GGH: variants seen among roughly 807,000 people sequenced by gnomAD.
The protein encoded by GGH is gamma-Glu-X carboxypeptidase.
In GGH, 18 loss-of-function variants were observed where a neutral mutation model predicts 39.2. The observed-to-expected ratio is 0.46, with a 90% CI of 0.32 to 0.68. The LOEUF is 0.68. GGH is among the 30% of genes least tolerant of loss of function. The pLI is 0.04. For missense variants in GGH, 367 were observed against 384.1 expected (o/e 0.96, Z 0.37); for synonymous variants, 147 against 138.8 (o/e 1.06, Z -0.42).
chr8:63,027,095 G>C, intron 4 of GGH, 86 bp downstream of exon 4: 1 of 770,414 alleles, frequency 1.3e-6, no homozygotes. Context: ...TTTGAAGGGA[G>C]CATTACCATC....
chr8:63,038,338 C>A (rs977428167), intron 1 of GGH, among the ~76,000 whole-genome samples: 1 of 152,220 alleles, frequency 6.6e-6, no homozygotes, highest in African/African-American at 2.4e-5. Context: ...CAACTATGTG[C>A]GAAAAGGAAA....
chr8:63,032,237 T>C (rs988593790), intron 2 of GGH, among the ~76,000 whole-genome samples: 5 of 152,084 alleles, frequency 3.3e-5, no homozygotes, highest in African/African-American at 9.7e-5. Context: ...GGTTTTTCCA[T>C]GTTGCCCAAG....
intron 8 of GGH, chr8:63,017,195 CA>C (rs1172096715): frequency 3.8e-6 from 1 of 261,012 alleles, no homozygotes; most frequent in Non-Finnish European, 7.2e-6. Context: ...TGTCAAAAAA[CA>C]AATAACAAAG....
intron 7 of GGH, among the ~76,000 whole-genome samples, chr8:63,023,168 A>C (rs1349328113): frequency 6.6e-6 from 1 of 152,220 alleles, no homozygotes; most frequent in African/African-American, 2.4e-5. Context: ...TACCAGTCTA[A>C]GGCAACCTTG....
chr8:63,028,003 AG>A (rs1176152860), intron 3 of GGH: 2 of 152,200 alleles, frequency 1.3e-5, no homozygotes, highest in Non-Finnish European at 2.9e-5. Context: ...GATATTCAAA[AG>A]AGGTAAGAAA....
chr8:63,030,001 G>C (rs1804773594), intron 3 of GGH, 166 bp downstream of exon 3: 1 of 432,240 alleles, frequency 2.3e-6, no homozygotes, highest in Admixed American at 3.8e-5. Context: ...AAGGACTTTT[G>C]CATCTCCCAA....
chr8:63,032,171 C>T (rs1804818236), intron 2 of GGH, among the ~76,000 whole-genome samples: 1 of 151,822 alleles, frequency 6.6e-6, no homozygotes, highest in Non-Finnish European at 1.5e-5. Context: ...GTAGCTGGGC[C>T]CATAGGTGCA....
At chr8:63,019,670 G>T (rs559084231) in intron 7 of GGH, among the ~76,000 whole-genome samples, 1 of 152,318 alleles carries the variant, frequency 6.6e-6, no homozygotes, top group African/African-American at 2.4e-5. Flanking sequence ...AGTAACGTTT[G>T]CTTTTTATGT....
At position 63,027,135 on chromosome 8, in the gene GGH, A is replaced by T. The variant is rs762971905; in HGVS notation, c.360+46T>A. On this transcript the variant is annotated intron_variant, in intron 4 of 8. Transcript: ENST00000260118. ...TAAAAAATGAACCACTCGCACAAAA[A>T]CTTACAGAAACCCATCTGGAATAAT... The T allele has an allele frequency of 4.5e-5, 41 of 907,214 alleles. No individual in the cohort carries two copies. The Admixed American group carries it at 6.8e-4, about 15-fold the overall frequency. The allele number at this position is 907,214 out of a possible 1,614,324, so 56.2% of individuals were successfully genotyped here.
At chr8:63,028,297 T>C (rs1036925105) in intron 3 of GGH, 24 of 152,198 alleles carry the variant, frequency 1.6e-4, no homozygotes, top group Middle Eastern at 3.4e-3. Flanking sequence ...TAGCATTCTC[T>C]CTTTCCATTA....
chr8:63,036,871 T>G (rs1804919389), intron 1 of GGH, among the ~76,000 whole-genome samples: 2 of 152,220 alleles, frequency 1.3e-5, no homozygotes, highest in African/African-American at 4.8e-5. Context: ...GTCACCACTT[T>G]GTTTAACTAC....
chr8:63,030,181 G>C lies in GGH; in HGVS notation c.261C>G (p.Phe87Leu), dbSNP rs538903371. Residue 87 changes from phenylalanine (F) to leucine (L), a missense_variant, in exon 3 of 9, where the codon TTC becomes TTG. Coordinates refer to ENST00000260118, the MANE Select transcript of GGH (RefSeq NM_003878.3). ...DLTEKDYEILFKSINGILFPG... is the reference protein window; with the variant it reads ...DLTEKDYEILLKSINGILFPG... ...TGCCAACTTACCCATTAATAGATTT[G>C]AAAAGTATTTCATAGTCTTTCTCTG... is the stretch of plus-strand genomic sequence containing the variant. 7.0e-7 allele frequency: 1 copy of C among 1,427,780 alleles called. No individual in the cohort carries two copies. The highest frequency in any genetic ancestry group is 1.4e-5 in the African/African-American group (1 of 71,616). 88.4% of individuals were successfully genotyped at this position (1,427,780 alleles called of 1,614,324 possible).
chr8:63,026,048 A>T, intron 5 of GGH, 110 bp downstream of exon 5: 1 of 857,178 alleles, frequency 1.2e-6, no homozygotes, highest in Non-Finnish European at 1.8e-6. Flanking sequence ...TTTTTCCTTC[A>T]GGGAAAAGGC....
intron 5 of GGH, chr8:63,024,598 CAA>C (rs1804651028): frequency 6.4e-6 from 1 of 157,314 alleles, no homozygotes; most frequent in African/African-American, 2.4e-5. Flanking sequence ...CTGGGACAAA[CAA>C]ATAAAAATAC....
chr8:63,026,624 AAGATTC>A (rs568818490), intron 4 of GGH, among the ~76,000 whole-genome samples: 1 of 152,228 alleles, frequency 6.6e-6, no homozygotes, highest in Non-Finnish European at 1.5e-5. Context: ...GGGGATTGGT[AAGATTC>A]TAGGGCCAGC....
intron 8 of GGH, among the ~76,000 whole-genome samples, chr8:63,016,615 C>T (rs896969070): frequency 1.3e-5 from 2 of 152,144 alleles, no homozygotes; most frequent in Middle Eastern, 3.2e-3. Context: ...TTAAGCACAA[C>T]GATGTATAAC....
At chr8:63,024,534 A>G (rs143192955) in intron 5 of GGH, 1 of 176,498 alleles carries the variant, frequency 5.7e-6, no homozygotes, top group Non-Finnish European at 1.2e-5. Flanking sequence ...GGGTGTATGT[A>G]TTTGCCCAGG....
At chr8:63,031,306 C>A (rs1308829757) in intron 2 of GGH, among the ~76,000 whole-genome samples, 1 of 152,214 alleles carries the variant, frequency 6.6e-6, no homozygotes, top group Non-Finnish European at 1.5e-5. Context: ...GTAATCTCTT[C>A]CTGGCGAGAG....
intron 3 of GGH, 23 bp from the exon 4 acceptor site, chr8:63,027,288 A>T: frequency 1.5e-6 from 2 of 1,361,906 alleles, no homozygotes; most frequent in Non-Finnish European, 2.1e-6. Context: ...TACATAAATC[A>T]AATAGGGTGT....
Sources: gnomAD v4.1 joint callset for allele counts (sites outside exome capture counted in the v4.1 genomes callset) on GRCh38, gnomAD v4.1.1 for gene constraint, MANE v1.5 for transcripts, NCBI Gene and HGNC (gene_info 2026-07-23, HGNC 2026-07-21) for gene names.